Variants in TRDMT1 observed in about 807,000 individuals in gnomAD.
TRDMT1 encodes the protein tRNA (cytosine(38)-C(5))-methyltransferase.
TRDMT1 carries 49 observed loss-of-function variants against 51.2 expected under a neutral mutation model. The ratio of observed to expected loss-of-function variants is 0.96; its 90% confidence interval spans 0.76 to 1.21. The LOEUF (loss-of-function observed/expected upper bound fraction) is 1.21, where lower values mean the gene tolerates loss of function less well. Among genes scored for constraint, TRDMT1 ranks in the 50% most tolerant of loss-of-function variants. The probability of loss-of-function intolerance (pLI) is 0.00; values close to 1 mark genes in which losing one functional copy is unlikely to be tolerated. For missense variants in TRDMT1, 534 were observed against 462.3 expected (o/e 1.16, Z -1.42); for synonymous variants, 187 against 164.6 (o/e 1.14, Z -1.04).
Position 17,148,803 on chromosome 10 carries a change from G to T in TRDMT1, c.*237C>A. ...GAATATTCCACATATATATTTATCA[G>T]TTTCATATGAAAATATACTCTCCAT... On this transcript the variant is annotated 3_prime_UTR_variant, in exon 11 of 11. Coordinates refer to ENST00000377799, the MANE Select transcript of TRDMT1 (RefSeq NM_004412.7). 9.3e-7 allele frequency: 1 copy of T among 1,079,730 alleles called. No individual in the cohort carries two copies. Among genetic ancestry groups the T allele is most frequent in the Non-Finnish European group, 1.1e-6 (1 of 872,182 alleles). The allele number at this position is 1,079,730 out of a possible 1,614,324, so 66.9% of individuals were successfully genotyped here. A position where few individuals can be genotyped will look rare whatever the true frequency, so the allele number is the denominator to read the frequency against.
chr10:17,161,617 T>G, intron 4 of TRDMT1, 69 bp from the exon 5 acceptor site: 2 of 841,372 alleles, frequency 2.4e-6, no homozygotes, highest in South Asian at 2.8e-5. Flanking sequence ...AGAAAATCAT[T>G]ACTTGTGGGA....
At position 17,138,257 on chromosome 10, in the gene TRDMT1, A is replaced by G. The variant is rs6602179; in HGVS notation, c.*10783T>C. Among the ~76,000 whole-genome samples, 144,317 of 152,246 alleles carry G rather than the reference A, an allele frequency of 0.95. 68,774 individuals carry two copies. Among genetic ancestry groups the G allele is most frequent in the Non-Finnish European group, 1 (67,884 of 68,036 alleles). ...TGTAGAATTAATCTGGTTTTTAGTCATTAATGGAAACATTTGTGAATATAA... is the reference window on the plus strand; with the variant it reads ...TGTAGAATTAATCTGGTTTTTAGTCGTTAATGGAAACATTTGTGAATATAA... On this transcript the variant is annotated 3_prime_UTR_variant, in exon 11 of 11. Coordinates refer to ENST00000377799, the MANE Select transcript of TRDMT1 (RefSeq NM_004412.7).
intron 1 of TRDMT1, chr10:17,200,668 T>C (rs925359943): frequency 6.2e-6 from 1 of 160,096 alleles, no homozygotes; most frequent in Non-Finnish European, 1.5e-5. Context: ...TGGCACAGAA[T>C]AGGAGCTCAA....
chr10:17,182,269 TG>T (rs1358101629), intron 1 of TRDMT1, among the ~76,000 whole-genome samples: 1 of 152,110 alleles, frequency 6.6e-6, no homozygotes, highest in African/African-American at 2.4e-5. Context: ...AGAAAAAAAC[TG>T]GTTTCTGGTG....
chr10:17,161,495 A>G lies in TRDMT1; in HGVS notation c.377T>C (p.Val126Ala). The stretch of plus-strand genomic sequence containing the variant: ...TACATTTTTTTACCTTGTAGAAGAT[A>G]CTTCAAAACCTTTAACATTTTCCAA... ...ILLENVKGFE[V>A]SSTRDLLIQT... Residue 126 changes from valine (V) to alanine (A), a missense_variant, in exon 5 of 11, where the codon GTA becomes GCA. By Grantham distance (64) the Val-to-Ala change is moderately conservative. Coordinates refer to ENST00000377799, the MANE Select transcript of TRDMT1 (RefSeq NM_004412.7). 7.3e-7 allele frequency: 1 copy of G among 1,370,446 alleles called. No homozygotes were observed. Among genetic ancestry groups the G allele is most frequent in the Non-Finnish European group, 9.9e-7 (1 of 1,014,770 alleles). The allele number at this position is 1,370,446 out of a possible 1,614,324, so 84.9% of individuals were successfully genotyped here. A position where few individuals can be genotyped will look rare whatever the true frequency, so the allele number is the denominator to read the frequency against.
chr10:17,173,179 T>C (rs967743498), intron 2 of TRDMT1, among the ~76,000 whole-genome samples: 1 of 152,180 alleles, frequency 6.6e-6, no homozygotes, highest in Non-Finnish European at 1.5e-5. Flanking sequence ...GTTTAATAAA[T>C]GTAGGTATTT....
At chr10:17,193,218 C>A (rs1413593961) in intron 1 of TRDMT1, among the ~76,000 whole-genome samples, 1 of 152,084 alleles carries the variant, frequency 6.6e-6, no homozygotes, top group Non-Finnish European at 1.5e-5. Flanking sequence ...ACAAAATTAG[C>A]CAGGCATGGT....
intron 10 of TRDMT1, chr10:17,153,274 C>G (rs1210397768): frequency 1.9e-6 from 1 of 538,398 alleles, no homozygotes; most frequent in Non-Finnish European, 3.2e-6. Flanking sequence ...CTAGCCATGC[C>G]AACCTCTGTG....
At chr10:17,155,020 G>A (rs1275180207) in intron 8 of TRDMT1, among the ~76,000 whole-genome samples, 2 of 152,096 alleles carry the variant, frequency 1.3e-5, no homozygotes, top group African/African-American at 4.8e-5. Flanking sequence ...AGAGGAGTTC[G>A]AGGTCAGCCT....
intron 10 of TRDMT1, chr10:17,151,955 C>A: frequency 8.0e-7 from 1 of 1,249,462 alleles, no homozygotes; most frequent in Admixed American, 2.9e-5. Flanking sequence ...TGACTCTGGG[C>A]TCTGTGCTCC....
chr10:17,151,942 G>C (rs1193769467), intron 10 of TRDMT1: 1 of 1,211,966 alleles, frequency 8.3e-7, no homozygotes. Context: ...AAATCATTCA[G>C]TCTGACTCTG....
At chr10:17,156,170 A>T (rs1839471017) in intron 8 of TRDMT1, among the ~76,000 whole-genome samples, 1 of 152,154 alleles carries the variant, frequency 6.6e-6, no homozygotes, top group African/African-American at 2.4e-5. Context: ...GACAAATCAT[A>T]CAACTACCTA....
intron 2 of TRDMT1, among the ~76,000 whole-genome samples, chr10:17,172,484 C>T (rs927028717): frequency 6.6e-6 from 1 of 151,824 alleles, no homozygotes; most frequent in Admixed American, 6.6e-5. Flanking sequence ...ATAGTGAGAC[C>T]CTGCCTCTCC....
chr10:17,159,378 G>C lies in TRDMT1; in HGVS notation c.460-149C>G, dbSNP rs1291751801. On this transcript the variant is annotated intron_variant, in intron 6 of 10. Coordinates refer to ENST00000377799, the MANE Select transcript of TRDMT1 (RefSeq NM_004412.7). ...CAAAATTTGCTACGGATTTGTAGAA[G>C]ACTCCATTGTAGTACATTTTAAACT... 2.8e-5 allele frequency: 15 copies of C among 537,546 alleles called. No individual in the cohort carries two copies. The East Asian group carries it at 4.2e-4, about 15-fold the overall frequency. The allele number at this position is 537,546 out of a possible 1,614,324, so 33.3% of individuals were successfully genotyped here. A position where few individuals can be genotyped will look rare whatever the true frequency, so the allele number is the denominator to read the frequency against.
intron 1 of TRDMT1, among the ~76,000 whole-genome samples, chr10:17,186,089 ATG>A (rs1491114621): frequency 6.7e-5 from 10 of 150,102 alleles, no homozygotes; most frequent in African/African-American, 2.5e-4. Flanking sequence ...ATAAATAAAT[ATG>A]GTCAATGCAG....
rs34782095 is a variant in TRDMT1, at chr10:17,142,052, A to AT, written c.*6987dup. Among the ~76,000 whole-genome samples, 72,319 of 151,948 alleles carry AT rather than the reference A, an allele frequency of 0.48. 17,662 individuals carry two copies. The highest frequency in any genetic ancestry group is 0.57 in the South Asian group (2,747 of 4,826). The stretch of plus-strand genomic sequence containing the variant: ...TTCTATTTCTTTGCTGAGCTTTTCT[A>AT]TTTTTTGTGGCAAGACAACTTGTAA... On this transcript the variant is annotated 3_prime_UTR_variant, in exon 11 of 11. Transcript: ENST00000377799.
rs1007972518 is a variant in TRDMT1, at chr10:17,146,352, C to G, written c.*2688G>C. ...TGAAGGTCTGATTTCACAGACAGAA[C>G]ACCATGGCCAGGGTCCTCTGTGAAG... On this transcript the variant is annotated 3_prime_UTR_variant, in exon 11 of 11. Coordinates refer to ENST00000377799, the MANE Select transcript of TRDMT1 (RefSeq NM_004412.7). 2.0e-6 allele frequency: 2 copies of G among 985,308 alleles called. No homozygotes were observed. The highest frequency in any genetic ancestry group is 3.5e-5 in the African/African-American group (2 of 57,250). 61.0% of individuals were successfully genotyped at this position (985,308 alleles called of 1,614,324 possible). A position where few individuals can be genotyped will look rare whatever the true frequency, so the allele number is the denominator to read the frequency against.
intron 1 of TRDMT1, among the ~76,000 whole-genome samples, chr10:17,188,340 C>A (rs1234289954): frequency 6.6e-6 from 1 of 152,096 alleles, no homozygotes; most frequent in Non-Finnish European, 1.5e-5. Context: ...TTATGAAAAC[C>A]TTTTACCAAC....
chr10:17,153,422 T>C (rs1174545562), intron 10 of TRDMT1, 85 bp downstream of exon 10: 1 of 1,501,716 alleles, frequency 6.7e-7, no homozygotes, highest in Non-Finnish European at 9.1e-7. Flanking sequence ...CCCATTTGTT[T>C]AGGCAAGTCC....
Sources: gnomAD v4.1 joint callset for allele counts (sites outside exome capture counted in the v4.1 genomes callset) on GRCh38, gnomAD v4.1.1 for gene constraint, MANE v1.5 for transcripts, NCBI Gene and HGNC (gene_info 2026-07-23, HGNC 2026-07-21) for gene names.